PALLD: variants seen among roughly 807,000 people sequenced by gnomAD.
PALLD encodes the protein palladin, cytoskeletal associated protein.
Under a neutral mutation model 123.5 loss-of-function variants are expected in PALLD, and 61 were observed. That is an observed-to-expected ratio of 0.49 (90% confidence interval 0.40 to 0.61). The LOEUF (loss-of-function observed/expected upper bound fraction) is 0.61, where lower values mean the gene tolerates loss of function less well. Ranked by LOEUF, PALLD falls within the 20% of genes least tolerant of loss-of-function variation. The pLI, the probability that PALLD is intolerant of heterozygous loss-of-function variation, is 0.00. For synonymous variants in PALLD, 465 were observed against 496.4 expected (o/e 0.94, Z 0.84); for missense variants, 1,273 against 1,377.0 (o/e 0.92, Z 1.20).
chr4:168,742,962 A>T (rs932362192), intron 10 of PALLD, among the ~76,000 whole-genome samples: 5 of 151,982 alleles, frequency 3.3e-5, no homozygotes, highest in Non-Finnish European at 7.4e-5. Flanking sequence ...TCCTCCTGCT[A>T]TTCTCTTCTG....
At chr4:168,751,921 G>A (rs1731109742) in intron 10 of PALLD, among the ~76,000 whole-genome samples, 1 of 152,188 alleles carries the variant, frequency 6.6e-6, no homozygotes, top group Non-Finnish European at 1.5e-5. Context: ...CAAGGGAGAT[G>A]AAATAAGATT....
chr4:168,603,740 A>G (rs1772904764), intron 2 of PALLD, among the ~76,000 whole-genome samples: 1 of 152,240 alleles, frequency 6.6e-6, no homozygotes, highest in South Asian at 2.1e-4. Flanking sequence ...CACAGCTGGT[A>G]AAATTTGAAC....
chr4:168,880,039 C>T (rs1214819899), intron 10 of PALLD, among the ~76,000 whole-genome samples: 1 of 152,176 alleles, frequency 6.6e-6, no homozygotes, highest in Non-Finnish European at 1.5e-5. Context: ...TGTAAATAAT[C>T]TGTTCTAATA....
intron 10 of PALLD, among the ~76,000 whole-genome samples, chr4:168,734,274 ATTTTTTTT>A (rs879337766): frequency 6.9e-6 from 1 of 145,804 alleles, no homozygotes; most frequent in Non-Finnish European, 1.5e-5. Context: ...CCTGGGTTTG[ATTTTTTTT>A]TTTTTAAGTG....
chr4:168,813,337 C>T (rs942276603), intron 10 of PALLD, among the ~76,000 whole-genome samples: 4 of 152,144 alleles, frequency 2.6e-5, no homozygotes, highest in African/African-American at 4.8e-5. Flanking sequence ...CAACACTTTC[C>T]TAGGTAAACA....
chr4:168,568,749 T>C (rs1768667372), intron 2 of PALLD, among the ~76,000 whole-genome samples: 2 of 151,078 alleles, frequency 1.3e-5, no homozygotes, highest in African/African-American at 4.8e-5. Flanking sequence ...TGTAGGTATA[T>C]ATGTATATTT....
chr4:168,695,514 A>G (rs1783053136), intron 8 of PALLD, among the ~76,000 whole-genome samples: 1 of 152,232 alleles, frequency 6.6e-6, no homozygotes, highest in Non-Finnish European at 1.5e-5. Flanking sequence ...GGCTTGAACT[A>G]GTTCAGAATT....
intron 2 of PALLD, among the ~76,000 whole-genome samples, chr4:168,516,639 C>T (rs993602380): frequency 3.9e-5 from 6 of 152,062 alleles, no homozygotes; most frequent in Admixed American, 3.9e-4. Context: ...TGGAGTATAA[C>T]TCAGCTCTTA....
At chr4:168,797,264 C>T (rs998539557) in intron 10 of PALLD, among the ~76,000 whole-genome samples, 12 of 152,034 alleles carry the variant, frequency 7.9e-5, no homozygotes, top group African/African-American at 2.9e-4. Flanking sequence ...TTTGAAATCC[C>T]TCTGTCTATA....
At chr4:168,784,977 T>C (rs1736474745) in intron 10 of PALLD, among the ~76,000 whole-genome samples, 1 of 151,476 alleles carries the variant, frequency 6.6e-6, no homozygotes. Flanking sequence ...GGAATGCTTC[T>C]GGTTGTGGGT....
intron 2 of PALLD, among the ~76,000 whole-genome samples, chr4:168,644,900 C>T (rs1777289769): frequency 6.6e-6 from 1 of 152,036 alleles, no homozygotes; most frequent in African/African-American, 2.4e-5. Context: ...GTCAGGAGTT[C>T]AAGACCAGCC....
intron 2 of PALLD, among the ~76,000 whole-genome samples, chr4:168,644,939 A>G (rs963760221): frequency 1.3e-5 from 2 of 152,040 alleles, no homozygotes; most frequent in Non-Finnish European, 1.5e-5. Context: ...TGTCTCTACT[A>G]AAAACACAAA....
intron 10 of PALLD, among the ~76,000 whole-genome samples, chr4:168,842,617 G>A (rs1746194562): frequency 6.6e-6 from 1 of 152,192 alleles, no homozygotes. Context: ...CCTTTCCCCA[G>A]ACAACCTACA....
Position 168,761,645 on chromosome 4 carries a change from G to GTTTTTTTTTTTTTTTTTTTTTTT in PALLD, c.1964+49731_1964+49753dup, listed in dbSNP as rs70961555. On this transcript the variant is annotated intron_variant, in intron 10 of 21. Transcript: ENST00000505667. ...CCAGCTATTTTTGTTGTTGTTGTTT[G>GTTTTTTTTTTTTTTTTTTTTTTT]TTTTTTTTTTTTTTTTTTTTTTTTT... 2.3e-3 allele frequency among the ~76,000 whole-genome samples: 202 copies of GTTTTTTTTTTTTTTTTTTTTTTT among 87,936 alleles called. 33 individuals are homozygous for GTTTTTTTTTTTTTTTTTTTTTTT. Among genetic ancestry groups the GTTTTTTTTTTTTTTTTTTTTTTT allele is most frequent in the Middle Eastern group, 0.012 (2 of 164 alleles). 57.7% of individuals were successfully genotyped at this position (87,936 alleles called of 152,430 possible). A position where few individuals can be genotyped will look rare whatever the true frequency, so the allele number is the denominator to read the frequency against.
At chr4:168,532,623 G>C (rs533262028) in intron 2 of PALLD, among the ~76,000 whole-genome samples, 5 of 152,076 alleles carry the variant, frequency 3.3e-5, no homozygotes, top group Non-Finnish European at 7.4e-5. Flanking sequence ...AAATTTCAGA[G>C]GATTGTCTGA....
At chr4:168,906,878 A>G (rs1757918030) in intron 15 of PALLD, among the ~76,000 whole-genome samples, 1 of 152,242 alleles carries the variant, frequency 6.6e-6, no homozygotes, top group African/African-American at 2.4e-5. Context: ...ACATAGGAAA[A>G]AAAGGAAAGG....
chr4:168,513,225 A>C (rs1476857655), intron 2 of PALLD, among the ~76,000 whole-genome samples: 2 of 152,200 alleles, frequency 1.3e-5, no homozygotes, highest in Admixed American at 6.5e-5. Flanking sequence ...GGAAGGCAGA[A>C]CTTTCCTAAG....
chr4:168,611,497 A>T (rs1041882805), intron 2 of PALLD, among the ~76,000 whole-genome samples: 2 of 152,218 alleles, frequency 1.3e-5, no homozygotes, highest in Non-Finnish European at 2.9e-5. Context: ...ACAAGGAAAC[A>T]GCAAAACAAA....
At chr4:168,690,261 T>G (rs986180271) in intron 6 of PALLD, among the ~76,000 whole-genome samples, 1 of 152,318 alleles carries the variant, frequency 6.6e-6, no homozygotes, top group South Asian at 2.1e-4. Flanking sequence ...TTCCACCTGC[T>G]TCCTTTTAAA....
Sources: allele counts gnomAD v4.1 joint callset (sites outside exome capture counted in the v4.1 genomes callset), GRCh38; gene constraint gnomAD v4.1.1; transcripts MANE v1.5; gene names NCBI Gene and HGNC (gene_info 2026-07-23, HGNC 2026-07-21).